Variants in CCDC166 observed in about 807,000 individuals in gnomAD.
CCDC166 encodes the protein coiled-coil domain-containing protein 166.
CCDC166 carries 17 observed loss-of-function variants against 14.4 expected under a neutral mutation model. The ratio of observed to expected loss-of-function variants is 1.18; its 90% CI spans 0.81 to 1.77. CCDC166 has a LOEUF of 1.77. CCDC166 is among the 40% of genes most tolerant of loss of function. The probability of loss-of-function intolerance (pLI) is 0.00; values close to 1 mark genes in which losing one functional copy is unlikely to be tolerated. For synonymous variants in CCDC166, 336 were observed against 330.1 expected (o/e 1.02, Z -0.20); for missense variants, 738 against 665.8 (o/e 1.11, Z -1.19).
rs1554616710 is a variant in CCDC166 at position 143,707,096 on chromosome 8, C to T, written c.918G>A (p.Ala306=). Residue 306 remains alanine (A), a synonymous_variant, in exon 2 of 2, where the codon GCG becomes GCA. Transcript: ENST00000542437. The surrounding 1 kb of genome is among the most constrained non-coding windows in gnomAD (Gnocchi z 8.0). The stretch of plus-strand genomic sequence containing the variant: ...GTACCACAGACGGGGTCTGGGAGGC[C>T]GCGCGCGACGGGCTTATGGGGGCGG... The part of the protein sequence containing the change: ...SLAAPISPSR[A]ASQTPSVVPS... The T allele has an allele frequency of 2.0e-6, 3 of 1,520,140 alleles. No homozygotes were observed. The highest frequency in any genetic ancestry group is 2.6e-6 in the Non-Finnish European group (3 of 1,140,632). The allele number at this position is 1,520,140 out of a possible 1,614,324, so 94.2% of individuals were successfully genotyped here. A position where few individuals can be genotyped will look rare whatever the true frequency, so the allele number is the denominator to read the frequency against.
rs1415903672 is a variant in CCDC166 at position 143,707,036 on chromosome 8, G to T, written c.978C>A (p.Val326=). Residue 326 remains valine, a synonymous_variant, in exon 2 of 2, where the codon GTC becomes GTA. Coordinates refer to ENST00000542437, the MANE Select transcript of CCDC166 (RefSeq NM_001162914.1). The surrounding 1 kb of genome is among the most constrained non-coding windows in gnomAD (Gnocchi z 8.0). ...SRAAPRASSV[V]PSREASRVPS... is the part of the protein sequence containing the mutation. Reference sequence around the variant, plus strand: ...GGACCCGGGAAGCCTCGCGCGACGGGACCACGGACGAGGCCCGGGGGGCCG... The same window carrying T: ...GGACCCGGGAAGCCTCGCGCGACGGTACCACGGACGAGGCCCGGGGGGCCG... 1.3e-6 allele frequency: 2 copies of T among 1,535,478 alleles called. No homozygotes were observed. Among genetic ancestry groups the T allele is most frequent in the Admixed American group, 2.0e-5 (1 of 50,944 alleles).
In CCDC166 at chr8:143,707,362, G is replaced by T. The variant is rs1263613349; in HGVS notation, c.652C>A (p.Gln218Lys). 2.1e-6 allele frequency: 3 copies of T among 1,406,238 alleles called. No individual in the cohort carries two copies. The highest frequency in any genetic ancestry group is 3.0e-5 in the South Asian group (2 of 66,854). 87.1% of individuals were successfully genotyped at this position (1,406,238 alleles called of 1,614,324 possible). ...CGTCCGTTGTCCGCTTTGATGGCCT[G>T]CGTGTGCGCCACAAGCGCGCGCACC... ...EAVRALVAHT[Q>K]AIKADNGRLR... Residue 218 changes from glutamine to lysine, a missense_variant, in exon 2 of 2, where the codon CAG becomes AAG. Physicochemically the swap from Gln to Lys is moderately conservative, Grantham distance 53. Transcript: ENST00000542437. The surrounding 1 kb of genome is among the most constrained non-coding windows in gnomAD (Gnocchi z 8.0).
chr8:143,707,405 C>A lies in CCDC166; in HGVS notation c.609G>T (p.Arg203=). ...CGCGCACCGCCTCCCGCTCCGCGCG[C>A]CGCGCCAGTGACTGCACGCGCTGAC... is the stretch of plus-strand genomic sequence containing the variant. The part of the protein sequence containing the change: ...EARQRVQSLA[R]RAEREAVRAL... The change falls in exon 2 of 2, where the codon CGG becomes CGT. Residue 203 remains arginine, a synonymous_variant. Transcript: ENST00000542437. The surrounding 1 kb of genome is among the most constrained non-coding windows in gnomAD (Gnocchi z 8.0). 6.9e-7 allele frequency: 1 copy of A among 1,440,896 alleles called. No homozygotes were observed. The highest frequency in any genetic ancestry group is 3.0e-5 in the Admixed American group (1 of 33,112). 89.3% of individuals were successfully genotyped at this position (1,440,896 alleles called of 1,614,324 possible). A position where few individuals can be genotyped will look rare whatever the true frequency, so the allele number is the denominator to read the frequency against.
Position 143,707,461 on chromosome 8 carries a change from C to A in CCDC166, c.553G>T (p.Glu185Ter). The A allele has an allele frequency of 6.8e-7, 1 of 1,475,812 alleles. No homozygotes were observed. The highest frequency in any genetic ancestry group is 8.9e-7 in the Non-Finnish European group (1 of 1,121,152). 91.4% of individuals were successfully genotyped at this position (1,475,812 alleles called of 1,614,324 possible). ...TCGCGCTCGAAGGCCGCCTTGTCCT[C>A]CAGGAAGCGCCGCTTCACGCGGTGG... Reference protein sequence around the residue: ...LLHRVKRRFLEDKAAFEREAR... With the variant: ...LLHRVKRRFL The change falls in exon 2 of 2, where the codon GAG (glutamate) becomes TAG (stop). Residue 185 changes from glutamate to a stop codon, truncating the protein, a stop_gained. Coordinates refer to ENST00000542437, the MANE Select transcript of CCDC166 (RefSeq NM_001162914.1). LOFTEE classifies it low-confidence loss of function (END_TRUNC). This position sits in a 1 kb window ranked among gnomAD's most constrained non-coding sequence, Gnocchi z 8.0.
rs1465649302 is a variant in CCDC166, at chr8:143,707,079, G to A, written c.935C>T (p.Ser312Phe). 68 of 1,531,108 alleles carry A rather than the reference G, an allele frequency of 4.4e-5. No homozygotes were observed. The highest frequency in any genetic ancestry group is 9.6e-5 in the South Asian group (8 of 83,732). 94.8% of individuals were successfully genotyped at this position (1,531,108 alleles called of 1,614,324 possible). A position where few individuals can be genotyped will look rare whatever the true frequency, so the allele number is the denominator to read the frequency against. The part of the protein sequence containing the change: ...SPSRAASQTP[S>F]VVPSRAAPRA... Reference sequence around the variant, plus strand: ...GGGGGCCGCGCGCGACGGTACCACAGACGGGGTCTGGGAGGCCGCGCGCGA... The same window carrying A: ...GGGGGCCGCGCGCGACGGTACCACAAACGGGGTCTGGGAGGCCGCGCGCGA... The change falls in exon 2 of 2, where the codon TCT (serine) becomes TTT (phenylalanine). Residue 312 changes from serine (S) to phenylalanine (F), a missense_variant. By Grantham distance (155) the Ser-to-Phe change is radical. Coordinates refer to ENST00000542437, the MANE Select transcript of CCDC166 (RefSeq NM_001162914.1). This position sits in a 1 kb window ranked among gnomAD's most constrained non-coding sequence, Gnocchi z 8.0.
rs1342491586 is a variant in CCDC166, at chr8:143,707,586, G to C, written c.445-17C>G. 1 of 1,326,360 alleles carries C rather than the reference G, an allele frequency of 7.5e-7. No homozygotes were observed. The highest frequency in any genetic ancestry group is 3.1e-5 in the East Asian group (1 of 31,976). 82.2% of individuals were successfully genotyped at this position (1,326,360 alleles called of 1,614,324 possible). On this transcript the variant is annotated splice_polypyrimidine_tract_variant and intron_variant, in intron 1 of 1. Coordinates refer to ENST00000542437, the MANE Select transcript of CCDC166 (RefSeq NM_001162914.1). The surrounding 1 kb of genome is among the most constrained non-coding windows in gnomAD (Gnocchi z 8.0). Reference sequence around the variant, plus strand: ...CTGCAGCACCTGCGGCGGGGGCGCCGTCAGCTCACCCCCACCCCGCCCCCG... The same window carrying C: ...CTGCAGCACCTGCGGCGGGGGCGCCCTCAGCTCACCCCCACCCCGCCCCCG...
chr8:143,707,258 G>T lies in CCDC166; in HGVS notation c.756C>A (p.Arg252=). 6.9e-7 allele frequency: 1 copy of T among 1,450,456 alleles called. No individual in the cohort carries two copies. Among genetic ancestry groups the T allele is most frequent in the Non-Finnish European group, 9.0e-7 (1 of 1,106,220 alleles). The allele number at this position is 1,450,456 out of a possible 1,614,324, so 89.8% of individuals were successfully genotyped here. A position where few individuals can be genotyped will look rare whatever the true frequency, so the allele number is the denominator to read the frequency against. Residue 252 remains arginine, a synonymous_variant, in exon 2 of 2, where the codon CGC becomes CGA. Coordinates refer to ENST00000542437, the MANE Select transcript of CCDC166 (RefSeq NM_001162914.1). The surrounding 1 kb of genome is among the most constrained non-coding windows in gnomAD (Gnocchi z 8.0). Reference sequence around the variant, plus strand: ...CCTCGTGCTCGCGGTGCAGTTGCTCGCGCTGTTCCAGCAGCTGGCGCCGCG... The same window carrying T: ...CCTCGTGCTCGCGGTGCAGTTGCTCTCGCTGTTCCAGCAGCTGGCGCCGCG... ...HHTRRQLLEQ[R]EQLHREHEDT... is the part of the protein sequence containing the mutation.
chr8:143,707,983 C>A lies in CCDC166; in HGVS notation c.127G>T (p.Glu43Ter). The change falls in exon 1 of 2, where the codon GAG (glutamate) becomes TAG (stop). Residue 43 changes from glutamate to a stop codon, truncating the protein, a stop_gained. Transcript: ENST00000542437. LOFTEE classifies it high-confidence loss of function. This position sits in a 1 kb window ranked among gnomAD's most constrained non-coding sequence, Gnocchi z 8.0. ...YLQREHALLS[E>*]QLDTCEESVD... is the part of the protein sequence containing the mutation. Reference sequence around the variant, plus strand: ...CTCTCCTCGCAGGTGTCCAGCTGCTCCGAGAGCAGCGCGTGTTCGCGTTGC... The same window carrying A: ...CTCTCCTCGCAGGTGTCCAGCTGCTACGAGAGCAGCGCGTGTTCGCGTTGC... The A allele has an allele frequency of 6.5e-7, 1 of 1,531,506 alleles. No individual in the cohort carries two copies. The highest frequency in any genetic ancestry group is 8.7e-7 in the Non-Finnish European group (1 of 1,142,940). 94.9% of individuals were successfully genotyped at this position (1,531,506 alleles called of 1,614,324 possible).
Position 143,707,059 on chromosome 8 carries a change from C to G in CCDC166, c.955G>C (p.Ala319Pro). 6.5e-7 allele frequency: 1 copy of G among 1,533,568 alleles called. No individual in the cohort carries two copies. 95.0% of individuals were successfully genotyped at this position (1,533,568 alleles called of 1,614,324 possible). A position where few individuals can be genotyped will look rare whatever the true frequency, so the allele number is the denominator to read the frequency against. ...QTPSVVPSRA[A>P]PRASSVVPSR... is the part of the protein sequence containing the mutation. ...GGGACCACGGACGAGGCCCGGGGGG[C>G]CGCGCGCGACGGTACCACAGACGGG... Residue 319 changes from alanine (A) to proline (P), a missense_variant, in exon 2 of 2, where the codon GCC becomes CCC. By Grantham distance (27) the Ala-to-Pro change is conservative. Coordinates refer to ENST00000542437, the MANE Select transcript of CCDC166 (RefSeq NM_001162914.1). This position sits in a 1 kb window ranked among gnomAD's most constrained non-coding sequence, Gnocchi z 8.0.
Position 143,708,080 on chromosome 8 carries a change from G to A in CCDC166, c.30C>T (p.Ser10=), listed in dbSNP as rs782351972. 2.8e-6 allele frequency: 4 copies of A among 1,446,354 alleles called. No homozygotes were observed. Among genetic ancestry groups the A allele is most frequent in the East Asian group, 2.6e-5 (1 of 39,210 alleles). The allele number at this position is 1,446,354 out of a possible 1,614,324, so 89.6% of individuals were successfully genotyped here. A position where few individuals can be genotyped will look rare whatever the true frequency, so the allele number is the denominator to read the frequency against. ...CCGCACCACCTGGCTGGCTCCCTGC[G>A]CTCGGCCCGCGCTTTTTCTTGGGCG... The part of the protein sequence containing the change: MAPKKKRGP[S]AGSQPGGAAA... Residue 10 remains serine, a synonymous_variant, in exon 1 of 2, where the codon AGC becomes AGT. Coordinates refer to ENST00000542437, the MANE Select transcript of CCDC166 (RefSeq NM_001162914.1).
Position 143,707,280 on chromosome 8 carries a change from C to A in CCDC166, c.734G>T (p.Arg245Leu). The A allele has an allele frequency of 6.9e-7, 1 of 1,450,708 alleles. No individual in the cohort carries two copies. Among genetic ancestry groups the A allele is most frequent in the Non-Finnish European group, 9.0e-7 (1 of 1,106,250 alleles). 89.9% of individuals were successfully genotyped at this position (1,450,708 alleles called of 1,614,324 possible). A position where few individuals can be genotyped will look rare whatever the true frequency, so the allele number is the denominator to read the frequency against. The change falls in exon 2 of 2, where the codon CGG becomes CTG. Residue 245 changes from arginine to leucine, a missense_variant. By Grantham distance (102) the Arg-to-Leu change is moderately radical. Transcript: ENST00000542437. The surrounding 1 kb of genome is among the most constrained non-coding windows in gnomAD (Gnocchi z 8.0). The stretch of plus-strand genomic sequence containing the variant: ...CTCGCGCTGTTCCAGCAGCTGGCGC[C>A]GCGTGTGGTGCAGCAGCTGGGTCCG... The part of the protein sequence containing the change: ...LRRTQLLHHT[R>L]RQLLEQREQL...
Position 143,708,051 on chromosome 8 carries a change from G to C in CCDC166, c.59C>G (p.Ala20Gly), listed in dbSNP as rs1298003835. Residue 20 changes from alanine to glycine, a missense_variant, in exon 1 of 2, where the codon GCC (alanine) becomes GGC (glycine). Transcript: ENST00000542437. Reference sequence around the variant, plus strand: ...CGATAGCGGCTGCTCGGCACCCGCGGCCGCCGCACCACCTGGCTGGCTCCC... The same window carrying C: ...CGATAGCGGCTGCTCGGCACCCGCGCCCGCCGCACCACCTGGCTGGCTCCC... ...SAGSQPGGAAAAGAEQPLSER... is the reference protein window; with the variant it reads ...SAGSQPGGAAGAGAEQPLSER... The C allele has an allele frequency of 6.7e-7, 1 of 1,487,706 alleles. No individual in the cohort carries two copies. Among genetic ancestry groups the C allele is most frequent in the African/African-American group, 1.4e-5 (1 of 71,468 alleles). 92.2% of individuals were successfully genotyped at this position (1,487,706 alleles called of 1,614,324 possible). A position where few individuals can be genotyped will look rare whatever the true frequency, so the allele number is the denominator to read the frequency against.
rs782218969 is a variant in CCDC166 at position 143,707,205 on chromosome 8, C to T, written c.809G>A (p.Gly270Asp). The T allele has an allele frequency of 9.0e-5, 124 of 1,385,110 alleles. No individual in the cohort carries two copies. Among genetic ancestry groups the T allele is most frequent in the Non-Finnish European group, 1.1e-4 (120 of 1,078,074 alleles). 85.8% of individuals were successfully genotyped at this position (1,385,110 alleles called of 1,614,324 possible). ...GCCTCCGGGGCCCCTGCGCAGCCAG[C>T]CGTGCACACGCGCCAGGTCCCGCGT... The part of the protein sequence containing the change: ...EDTRDLARVH[G>D]WLRRGPGGPP... The change falls in exon 2 of 2, where the codon GGC (glycine) becomes GAC (aspartate). Residue 270 changes from glycine (G) to aspartate (D), a missense_variant. Transcript: ENST00000542437. The surrounding 1 kb of genome is among the most constrained non-coding windows in gnomAD (Gnocchi z 8.0).
chr8:143,707,849 G>T lies in CCDC166; in HGVS notation c.261C>A (p.Cys87Ter), dbSNP rs1554616952. The change falls in exon 1 of 2, where the codon TGC becomes TGA. Residue 87 changes from cysteine to a stop codon, truncating the protein, a stop_gained. Coordinates refer to ENST00000542437, the MANE Select transcript of CCDC166 (RefSeq NM_001162914.1). LOFTEE classifies it high-confidence loss of function. This position sits in a 1 kb window ranked among gnomAD's most constrained non-coding sequence, Gnocchi z 8.0. Reference protein sequence around the residue: ...ASYVSARAQRCAKAIVRLDEQ... With the variant: ...ASYVSARAQR ...CGTCCAGCCGGACGATGGCTTTGGC[G>T]CAGCGCTGGGCGCGCGCGCTCACGT... 6.5e-7 allele frequency: 1 copy of T among 1,538,268 alleles called. No individual in the cohort carries two copies. The highest frequency in any genetic ancestry group is 2.4e-5 in the East Asian group (1 of 40,844).
rs563369244 is a variant in CCDC166, at chr8:143,708,084, G to A, written c.26C>T (p.Pro9Leu). 1.7e-4 allele frequency: 246 copies of A among 1,442,022 alleles called. 2 individuals are homozygous for A. In the East Asian group the frequency reaches 6.2e-3, roughly 36 times the overall value. The allele number at this position is 1,442,022 out of a possible 1,614,324, so 89.3% of individuals were successfully genotyped here. A position where few individuals can be genotyped will look rare whatever the true frequency, so the allele number is the denominator to read the frequency against. MAPKKKRGPSAGSQPGGAA... is the reference protein window; with the variant it reads MAPKKKRGLSAGSQPGGAA... The stretch of plus-strand genomic sequence containing the variant: ...ACCACCTGGCTGGCTCCCTGCGCTC[G>A]GCCCGCGCTTTTTCTTGGGCGCCAT... The change falls in exon 1 of 2, where the codon CCG (proline) becomes CTG (leucine). Residue 9 changes from proline (P) to leucine (L), a missense_variant. Transcript: ENST00000542437.
rs914927945 is a variant in CCDC166 at position 143,707,017 on chromosome 8, G to A, written c.997C>T (p.Arg333Trp). 1.7e-5 allele frequency: 26 copies of A among 1,536,928 alleles called. No individual in the cohort carries two copies. Among genetic ancestry groups the A allele is most frequent in the African/African-American group, 5.5e-5 (4 of 72,982 alleles). Residue 333 changes from arginine (R) to tryptophan (W), a missense_variant, in exon 2 of 2, where the codon CGG becomes TGG. Physicochemically the swap from Arg to Trp is moderately radical, Grantham distance 101. Transcript: ENST00000542437. This position sits in a 1 kb window ranked among gnomAD's most constrained non-coding sequence, Gnocchi z 8.0. ...CTCGATAGCACCAACGAGGGGACCC[G>A]GGAAGCCTCGCGCGACGGGACCACG... ...SSVVPSREASRVPSLVLSSMD... is the reference protein window; with the variant it reads ...SSVVPSREASWVPSLVLSSMD...
Position 143,707,018 on chromosome 8 carries a change from G to A in CCDC166, c.996C>T (p.Ser332=), listed in dbSNP as rs1554616676. 10 of 1,536,924 alleles carry A rather than the reference G, an allele frequency of 6.5e-6. No homozygotes were observed. In the South Asian group the frequency reaches 1.2e-4, roughly 18 times the overall value. ...TCGATAGCACCAACGAGGGGACCCG[G>A]GAAGCCTCGCGCGACGGGACCACGG... ...ASSVVPSREA[S]RVPSLVLSSM... is the part of the protein sequence containing the mutation. Residue 332 remains serine, a synonymous_variant, in exon 2 of 2, where the codon TCC becomes TCT. Transcript: ENST00000542437. The surrounding 1 kb of genome is among the most constrained non-coding windows in gnomAD (Gnocchi z 8.0).
Position 143,707,218 on chromosome 8 carries a change from C to T in CCDC166, c.796G>A (p.Ala266Thr). ...HREHEDTRDL[A>T]RVHGWLRRGP... is the part of the protein sequence containing the mutation. ...CTGCGCAGCCAGCCGTGCACACGCG[C>T]CAGGTCCCGCGTGTCCTCGTGCTCG... The change falls in exon 2 of 2, where the codon GCG becomes ACG. Residue 266 changes from alanine (A) to threonine (T), a missense_variant. Ala to Thr is a moderately conservative substitution (Grantham distance 58). Transcript: ENST00000542437. The surrounding 1 kb of genome is among the most constrained non-coding windows in gnomAD (Gnocchi z 8.0). 4 of 1,399,350 alleles carry T rather than the reference C, an allele frequency of 2.9e-6. No individual in the cohort carries two copies. Among genetic ancestry groups the T allele is most frequent in the Non-Finnish European group, 3.7e-6 (4 of 1,083,532 alleles). 86.7% of individuals were successfully genotyped at this position (1,399,350 alleles called of 1,614,324 possible).
chr8:143,707,585 C>T lies in CCDC166; in HGVS notation c.445-16G>A. ...GCTGCAGCACCTGCGGCGGGGGCGC[C>T]GTCAGCTCACCCCCACCCCGCCCCC... On this transcript the variant is annotated splice_polypyrimidine_tract_variant and intron_variant, in intron 1 of 1. Coordinates refer to ENST00000542437, the MANE Select transcript of CCDC166 (RefSeq NM_001162914.1). The surrounding 1 kb of genome is among the most constrained non-coding windows in gnomAD (Gnocchi z 8.0). 1 of 1,327,684 alleles carries T rather than the reference C, an allele frequency of 7.5e-7. No homozygotes were observed. The highest frequency in any genetic ancestry group is 2.0e-5 in the South Asian group (1 of 51,174). 82.2% of individuals were successfully genotyped at this position (1,327,684 alleles called of 1,614,324 possible).
Sources: gnomAD v4.1 joint callset for allele counts on GRCh38, gnomAD v4.1.1 for gene constraint, Gnocchi (gnomAD v3.1) non-coding constraint, MANE v1.5 for transcripts, NCBI Gene and HGNC (gene_info 2026-07-23, HGNC 2026-07-21) for gene names.